SYN3: variants seen among roughly 807,000 people sequenced by gnomAD.
SYN3 encodes the protein synapsin III.
SYN3 carries 35 observed loss-of-function variants against 65.8 expected under a neutral mutation model. That is an observed-to-expected ratio of 0.53 (90% CI 0.41 to 0.70). SYN3 has a LOEUF of 0.70. Among genes scored for constraint, SYN3 ranks in the 30% least tolerant of loss-of-function variants. The pLI is 0.00. For synonymous variants in SYN3, 270 were observed against 292.9 expected (o/e 0.92, Z 0.80); for missense variants, 680 against 749.0 (o/e 0.91, Z 1.08).
At chr22:32,566,205 A>T (rs2146385629) in intron 7 of SYN3, among the ~76,000 whole-genome samples, 1 of 152,304 alleles carries the variant, frequency 6.6e-6, no homozygotes, top group East Asian at 1.9e-4. Context: ...CTATATAAAA[A>T]TTATGATTGA....
At chr22:32,735,202 G>A (rs2061323441) in intron 6 of SYN3, among the ~76,000 whole-genome samples, 1 of 152,198 alleles carries the variant, frequency 6.6e-6, no homozygotes, top group Non-Finnish European at 1.5e-5. Context: ...ATCAGATGGA[G>A]TGGGATCAAG....
rs535743871 is a variant in SYN3, at chr22:32,707,456, C to G, written c.712-110720G>C. Among the ~76,000 whole-genome samples the G allele has an allele frequency of 8.3e-4, 127 of 152,308 alleles. 1 individual carries two copies. In the Middle Eastern group the frequency reaches 0.01, roughly 12 times the overall value. On this transcript the variant is annotated intron_variant, in intron 6 of 13. Coordinates refer to ENST00000358763, the MANE Select transcript of SYN3 (RefSeq NM_003490.4). ...TTCCCAAATGCTCTTTGCTTGGATACTCAGGGCCACTGTGAAAACACATTA... is the reference window on the plus strand; with the variant it reads ...TTCCCAAATGCTCTTTGCTTGGATAGTCAGGGCCACTGTGAAAACACATTA...
At chr22:32,768,537 A>G (rs1178346111) in intron 6 of SYN3, among the ~76,000 whole-genome samples, 1 of 152,192 alleles carries the variant, frequency 6.6e-6, no homozygotes, top group African/African-American at 2.4e-5. Context: ...CCATATATGT[A>G]TAATCAACTG....
intron 4 of SYN3, among the ~76,000 whole-genome samples, chr22:32,900,963 C>T (rs895607812): frequency 1.3e-5 from 2 of 152,158 alleles, no homozygotes; most frequent in African/African-American, 4.8e-5. Context: ...CAACAGCATC[C>T]AATAGATGTA....
In SYN3 at chr22:32,782,662, C is replaced by T. The variant is rs563762914; in HGVS notation, c.711+82253G>A. ...TTTCCCGAGTAGCTGGGACCACAGG[C>T]GCACACCACCACAGCCGGCTAATTT... On this transcript the variant is annotated intron_variant, in intron 6 of 13. Transcript: ENST00000358763. 2.1e-3 allele frequency among the ~76,000 whole-genome samples: 312 copies of T among 152,070 alleles called. 2 individuals carry two copies. Among genetic ancestry groups the T allele is most frequent in the Non-Finnish European group, 3.4e-3 (229 of 68,006 alleles).
intron 6 of SYN3, among the ~76,000 whole-genome samples, chr22:32,664,887 C>T (rs2060268006): frequency 6.6e-6 from 1 of 151,852 alleles, no homozygotes; most frequent in South Asian, 2.1e-4. Flanking sequence ...GCTGGGATTA[C>T]AGGCGTGAAC....
chr22:32,718,506 GAA>G (rs199623097), intron 6 of SYN3, among the ~76,000 whole-genome samples: 5 of 106,482 alleles, frequency 4.7e-5, no homozygotes, highest in Non-Finnish European at 3.9e-5. Context: ...TTCAAGGACT[GAA>G]AAAAAAAAAA....
chr22:32,598,524 C>T (rs1162686526), intron 6 of SYN3, among the ~76,000 whole-genome samples: 5 of 152,110 alleles, frequency 3.3e-5, no homozygotes, highest in South Asian at 2.1e-4. Context: ...CTCACTCTTT[C>T]GCTCAGGCTG....
chr22:32,537,822 T>C (rs1294394671), intron 9 of SYN3, among the ~76,000 whole-genome samples: 7 of 152,148 alleles, frequency 4.6e-5, no homozygotes, highest in Admixed American at 4.6e-4. Context: ...CCTCTCTGAG[T>C]TTTCTTCTCC....
intron 12 of SYN3, among the ~76,000 whole-genome samples, chr22:32,519,180 C>T (rs1246192614): frequency 6.6e-6 from 1 of 152,108 alleles, no homozygotes; most frequent in East Asian, 1.9e-4. Context: ...TCAAGGCAGC[C>T]TGAGAAAACT....
At chr22:32,961,322 T>C (rs543829523) in intron 3 of SYN3, among the ~76,000 whole-genome samples, 1 of 147,424 alleles carries the variant, frequency 6.8e-6, no homozygotes, top group African/African-American at 2.5e-5. Context: ...TTCTAGCATC[T>C]CTCTCTCTCT....
chr22:32,889,314 A>T (rs2049376173), intron 4 of SYN3, among the ~76,000 whole-genome samples: 1 of 152,072 alleles, frequency 6.6e-6, no homozygotes, highest in Non-Finnish European at 1.5e-5. Flanking sequence ...TGGGTTCTAA[A>T]CACTCTTGCT....
chr22:33,041,643 A>C (rs2053967028), intron 1 of SYN3, among the ~76,000 whole-genome samples: 1 of 152,090 alleles, frequency 6.6e-6, no homozygotes. Flanking sequence ...ATCTCCCACT[A>C]GGGCATCCTT....
At chr22:32,882,983 A>G (rs576288795) in intron 4 of SYN3, among the ~76,000 whole-genome samples, 3 of 151,668 alleles carry the variant, frequency 2.0e-5, no homozygotes, top group African/African-American at 7.3e-5. Context: ...ACATCCTAGC[A>G]GTTGATTTAC....
intron 2 of SYN3, among the ~76,000 whole-genome samples, chr22:32,981,644 G>C (rs1392486861): frequency 6.6e-6 from 1 of 151,970 alleles, no homozygotes; most frequent in African/African-American, 2.4e-5. Context: ...GGGTTACTTT[G>C]AGGATTAAAT....
chr22:32,749,469 G>A (rs993353928), intron 6 of SYN3, among the ~76,000 whole-genome samples: 6 of 152,018 alleles, frequency 3.9e-5, no homozygotes, highest in South Asian at 2.1e-4. Context: ...GTGAAACCCC[G>A]TCTCTACTAA....
At chr22:32,667,465 A>G (rs1009890147) in intron 6 of SYN3, among the ~76,000 whole-genome samples, 2 of 152,074 alleles carry the variant, frequency 1.3e-5, no homozygotes, top group East Asian at 3.9e-4. Flanking sequence ...AGTTTATTAA[A>G]CCAGTCCCTG....
intron 3 of SYN3, among the ~76,000 whole-genome samples, chr22:32,977,333 G>C (rs1330503470): frequency 6.6e-6 from 1 of 152,178 alleles, no homozygotes; most frequent in Non-Finnish European, 1.5e-5. Context: ...GCATTGCTAA[G>C]ATAAAAGGGG....
intron 1 of SYN3, among the ~76,000 whole-genome samples, chr22:33,017,094 G>A (rs1030543052): frequency 5.3e-5 from 8 of 152,268 alleles, no homozygotes; most frequent in Non-Finnish European, 1.0e-4. Flanking sequence ...TATGATGTGA[G>A]ATAAGGGTCC....
Sources: gnomAD v4.1 joint callset for allele counts (sites outside exome capture counted in the v4.1 genomes callset) on GRCh38, gnomAD v4.1.1 for gene constraint, MANE v1.5 for transcripts, NCBI Gene and HGNC (gene_info 2026-07-23, HGNC 2026-07-21) for gene names.